Variants in GMDS observed in about 807,000 individuals in gnomAD.
The protein encoded by GMDS is GDP-mannose 4,6 dehydratase.
Under a neutral mutation model 49.9 loss-of-function variants are expected in GMDS, and 20 were observed. That is an observed-to-expected ratio of 0.40 (90% CI 0.28 to 0.58). The LOEUF is 0.58. Among genes scored for constraint, GMDS ranks in the 20% least tolerant of loss-of-function variants. GMDS has a pLI of 0.42. For synonymous variants in GMDS, 177 were observed against 178.6 expected, an observed-to-expected ratio of 0.99 and a Z score of 0.07; for missense variants, 362 against 481.4, an observed-to-expected ratio of 0.75 and a Z score of 2.32.
intron 7 of GMDS, among the ~76,000 whole-genome samples, chr6:1,876,245 C>T (rs566726298): frequency 1.1e-3 from 159 of 150,904 alleles, no homozygotes; most frequent in African/African-American, 2.7e-3. Flanking sequence ...GCAACAAGAG[C>T]GAAACTCTGT....
At position 2,139,650 on chromosome 6, in the gene GMDS, T is replaced by G. The variant is rs78234031; in HGVS notation, c.103-14919A>C. On this transcript the variant is annotated intron_variant, in intron 1 of 10. Transcript: ENST00000380815. ...GACAATGGAATTTAGGCAAAAGTAA[T>G]TAAGTGACTTACCCAAAGTCACAAA... Among the ~76,000 whole-genome samples, 1,015 of 152,268 alleles carry G rather than the reference T, an allele frequency of 6.7e-3. 13 individuals carry two copies. Among genetic ancestry groups the G allele is most frequent in the African/African-American group, 0.023 (971 of 41,540 alleles).
chr6:1,659,702 G>C (rs1764003900), intron 9 of GMDS, among the ~76,000 whole-genome samples: 1 of 152,124 alleles, frequency 6.6e-6, no homozygotes, highest in South Asian at 2.1e-4. Flanking sequence ...GTTTCGGGCA[G>C]AGGACACTTT....
At chr6:2,182,598 A>G (rs1344785992) in intron 1 of GMDS, among the ~76,000 whole-genome samples, 2 of 152,226 alleles carry the variant, frequency 1.3e-5, no homozygotes, top group South Asian at 2.1e-4. Flanking sequence ...TGTTAAATCT[A>G]TTATGTTTCT....
rs369248943 is a variant in GMDS, at chr6:2,054,858, T to C, written c.345+60913A>G. Among the ~76,000 whole-genome samples, 6 of 152,004 alleles carry C rather than the reference T, an allele frequency of 3.9e-5. No homozygotes were observed. In the East Asian group the frequency reaches 9.7e-4, roughly 24 times the overall value. Reference sequence around the variant, plus strand: ...TGATCCATTTTCAGAAGAAAATCAATGAAGACTGACCCCTGACCCTGAGTA... The same window carrying C: ...TGATCCATTTTCAGAAGAAAATCAACGAAGACTGACCCCTGACCCTGAGTA... On this transcript the variant is annotated intron_variant, in intron 4 of 10. Transcript: ENST00000380815.
At chr6:1,983,630 A>G (rs1286388930) in intron 4 of GMDS, among the ~76,000 whole-genome samples, 2 of 152,346 alleles carry the variant, frequency 1.3e-5, no homozygotes, top group Middle Eastern at 3.4e-3. Flanking sequence ...AAAGCTCAAC[A>G]TCACTGATCA....
At chr6:1,683,837 T>C (rs1764878651) in intron 9 of GMDS, among the ~76,000 whole-genome samples, 1 of 152,242 alleles carries the variant, frequency 6.6e-6, no homozygotes, top group African/African-American at 2.4e-5. Flanking sequence ...TAATGTCCTC[T>C]AGGTTATGAA....
At chr6:1,907,227 C>G (rs919386501) in intron 7 of GMDS, among the ~76,000 whole-genome samples, 1 of 152,138 alleles carries the variant, frequency 6.6e-6, no homozygotes, top group Admixed American at 6.5e-5. Context: ...GAACTCAACA[C>G]GCATAGACTC....
intron 7 of GMDS, among the ~76,000 whole-genome samples, chr6:1,765,746 T>A (rs191049961): frequency 6.6e-6 from 1 of 152,230 alleles, no homozygotes; most frequent in Admixed American, 6.5e-5. Flanking sequence ...AGCAGTTCCA[T>A]GAAAACATGT....
At chr6:2,145,206 C>A (rs1372425222) in intron 1 of GMDS, among the ~76,000 whole-genome samples, 1 of 152,114 alleles carries the variant, frequency 6.6e-6, no homozygotes, top group African/African-American at 2.4e-5. Flanking sequence ...ACATTTAGTA[C>A]CCAAAACACC....
intron 1 of GMDS, among the ~76,000 whole-genome samples, chr6:2,127,225 A>C (rs747581131): frequency 6.6e-6 from 1 of 152,210 alleles, no homozygotes; most frequent in Non-Finnish European, 1.5e-5. Flanking sequence ...AAAACAGCTT[A>C]ATAGAAAAAT....
chr6:2,218,420 G>T (rs1780434460), intron 1 of GMDS, among the ~76,000 whole-genome samples: 1 of 152,058 alleles, frequency 6.6e-6, no homozygotes, highest in Non-Finnish European at 1.5e-5. Context: ...TTGACCACCG[G>T]AAGTGAAAAA....
chr6:2,194,103 T>A (rs970347914), intron 1 of GMDS, among the ~76,000 whole-genome samples: 4 of 152,138 alleles, frequency 2.6e-5, no homozygotes, highest in Non-Finnish European at 4.4e-5. Flanking sequence ...TAAGTCAAGT[T>A]AGGTAGTTCC....
chr6:1,689,633 A>G (rs916746777), intron 9 of GMDS, among the ~76,000 whole-genome samples: 1 of 152,180 alleles, frequency 6.6e-6, no homozygotes, highest in African/African-American at 2.4e-5. Context: ...CTGACACACA[A>G]ATCTCCTTCT....
rs1409847649 is a variant in GMDS at position 1,849,664 on chromosome 6, G to A, written c.771+80439C>T. ...AAAAATAAATCCTAGAATTACTGTT[G>A]TTGTAGCTTTTCCCTGAATTTGACT... is the stretch of plus-strand genomic sequence containing the variant. On this transcript the variant is annotated intron_variant, in intron 7 of 10. Coordinates refer to ENST00000380815, the MANE Select transcript of GMDS (RefSeq NM_001500.4). 3.9e-5 allele frequency among the ~76,000 whole-genome samples: 6 copies of A among 152,282 alleles called. No individual in the cohort carries two copies. The East Asian group carries it at 7.7e-4, about 20-fold the overall frequency.
intron 1 of GMDS, among the ~76,000 whole-genome samples, chr6:2,156,818 T>A (rs1042790846): frequency 6.6e-6 from 1 of 152,294 alleles, no homozygotes; most frequent in South Asian, 2.1e-4. Flanking sequence ...ATATGCCATA[T>A]ATAAACCCAT....
chr6:1,683,053 C>T (rs7771005), intron 9 of GMDS, among the ~76,000 whole-genome samples: 29,777 of 152,172 alleles, frequency 0.2, 3,556 homozygotes, highest in African/African-American at 0.34. Flanking sequence ...CTCACTATGC[C>T]GACGTCGACA....
intron 7 of GMDS, among the ~76,000 whole-genome samples, chr6:1,743,106 AAAGT>A (rs1767338015): frequency 6.6e-6 from 1 of 152,246 alleles, no homozygotes; most frequent in Admixed American, 6.5e-5. Flanking sequence ...GTCAAAAAAC[AAAGT>A]AAGTGCGAAT....
chr6:2,177,088 C>T (rs963951188), intron 1 of GMDS, among the ~76,000 whole-genome samples: 7 of 152,074 alleles, frequency 4.6e-5, no homozygotes, highest in Admixed American at 2.6e-4. Flanking sequence ...GCAGTTGGAA[C>T]GCCAGCCTTG....
intron 1 of GMDS, among the ~76,000 whole-genome samples, chr6:2,228,559 T>G (rs1045157940): frequency 6.6e-6 from 1 of 152,198 alleles, no homozygotes; most frequent in Non-Finnish European, 1.5e-5. Context: ...GCTTTGGAAC[T>G]GGTGGTAAGA....
Sources: gnomAD v4.1 joint callset for allele counts (sites outside exome capture counted in the v4.1 genomes callset) on GRCh38, gnomAD v4.1.1 for gene constraint, MANE v1.5 for transcripts, NCBI Gene and HGNC (gene_info 2026-07-23, HGNC 2026-07-21) for gene names.